Variants in ANKS1B observed in about 807,000 individuals in gnomAD.
The protein encoded by ANKS1B is ankyrin repeat and sterile alpha motif domain containing 1B, also known as ankyrin repeat and sterile alpha motif domain-containing protein 1B.
ANKS1B carries 36 observed loss-of-function variants against 148.3 expected under a neutral mutation model. The observed-to-expected ratio is 0.24, with a 90% CI of 0.19 to 0.32. The LOEUF (loss-of-function observed/expected upper bound fraction) is 0.32, where lower values mean the gene tolerates loss of function less well. Among genes scored for constraint, ANKS1B ranks in the 10% least tolerant of loss-of-function variants. The pLI, the probability that ANKS1B is intolerant of heterozygous loss-of-function variation, is 1.00. For missense variants in ANKS1B, 1,157 were observed against 1,542.6 expected (o/e 0.75, Z 4.19); for synonymous variants, 542 against 560.8 (o/e 0.97, Z 0.47).
intron 8 of ANKS1B, among the ~76,000 whole-genome samples, chr12:99,712,194 C>T (rs1048856281): frequency 6.6e-6 from 1 of 152,120 alleles, no homozygotes; most frequent in Non-Finnish European, 1.5e-5. Flanking sequence ...TTTATCTTTA[C>T]TTGAAAAGTA....
In ANKS1B at chr12:99,560,064, A is replaced by G. The variant is rs192090670; in HGVS notation, c.1273-55423T>C. ...ACTTGAAGCAAACATTTTATAAAACAGTATGAAGCATTCAGTAATACAGCT... is the reference window on the plus strand; with the variant it reads ...ACTTGAAGCAAACATTTTATAAAACGGTATGAAGCATTCAGTAATACAGCT... On this transcript the variant is annotated intron_variant, in intron 9 of 26. Transcript: ENST00000683438. 3.9e-4 allele frequency among the ~76,000 whole-genome samples: 60 copies of G among 152,328 alleles called. 2 individuals are homozygous for G. The East Asian group carries it at 9.8e-3, about 25-fold the overall frequency.
intron 8 of ANKS1B, among the ~76,000 whole-genome samples, chr12:99,658,116 T>C (rs1385809443): frequency 6.6e-6 from 1 of 152,198 alleles, no homozygotes; most frequent in Non-Finnish European, 1.5e-5. Flanking sequence ...TCTATGCTTT[T>C]ATTCTTTCTT....
At chr12:99,243,593 C>T (rs1423621351) in intron 14 of ANKS1B, among the ~76,000 whole-genome samples, 1 of 152,158 alleles carries the variant, frequency 6.6e-6, no homozygotes, top group Admixed American at 6.6e-5. Context: ...TTTATTGTGG[C>T]ACTATTCACA....
intron 11 of ANKS1B, among the ~76,000 whole-genome samples, chr12:99,418,311 C>A (rs1271050564): frequency 2.0e-5 from 3 of 151,910 alleles, no homozygotes; most frequent in African/African-American, 7.3e-5. Context: ...ATTTTGACAT[C>A]CAAAACATAA....
At chr12:98,981,583 G>T (rs1271443522) in intron 17 of ANKS1B, among the ~76,000 whole-genome samples, 2 of 151,806 alleles carry the variant, frequency 1.3e-5, no homozygotes. Flanking sequence ...TGACCCACCC[G>T]CCTTGGCCTC....
intron 9 of ANKS1B, among the ~76,000 whole-genome samples, chr12:99,519,387 T>C (rs973407362): frequency 6.6e-6 from 1 of 152,168 alleles, no homozygotes; most frequent in Non-Finnish European, 1.5e-5. Flanking sequence ...TTCCATTATA[T>C]ATGTGGGTGC....
At chr12:99,816,718 ATAAAGTGT>A (rs2069221494) in intron 2 of ANKS1B, among the ~76,000 whole-genome samples, 1 of 151,702 alleles carries the variant, frequency 6.6e-6, no homozygotes, top group South Asian at 2.1e-4. Context: ...TATAAGTAGA[ATAAAGTGT>A]TAATCAGCAA....
intron 23 of ANKS1B, 37 bp downstream of exon 23, chr12:98,782,089 C>T: frequency 6.4e-7 from 1 of 1,568,782 alleles, no homozygotes; most frequent in Non-Finnish European, 8.7e-7. Flanking sequence ...TCTATATATA[C>T]TAGTAATAAT....
chr12:98,936,929 C>T (rs1044855857), intron 17 of ANKS1B, among the ~76,000 whole-genome samples: 2 of 152,180 alleles, frequency 1.3e-5, no homozygotes, highest in African/African-American at 4.8e-5. Context: ...GAATGCTGGC[C>T]GTGGCCTTAG....
chr12:99,079,955 G>C (rs1332512139), intron 16 of ANKS1B: 1 of 152,270 alleles, frequency 6.6e-6, no homozygotes, highest in Non-Finnish European at 1.5e-5. Flanking sequence ...AATTTGCACA[G>C]GCAACCCACG....
chr12:99,428,140 AGTAGGGTATCCTT>A (rs1253895878), intron 11 of ANKS1B, among the ~76,000 whole-genome samples: 2 of 152,198 alleles, frequency 1.3e-5, no homozygotes, highest in African/African-American at 4.8e-5. Flanking sequence ...GCATTGGGTG[AGTAGGGTATCCTT>A]GTAGGGTATC....
intron 14 of ANKS1B, among the ~76,000 whole-genome samples, chr12:99,239,952 A>G (rs1398931944): frequency 6.6e-6 from 1 of 152,244 alleles, no homozygotes; most frequent in Non-Finnish European, 1.5e-5. Flanking sequence ...GGTACCAGCC[A>G]CTGCAAAAAC....
At chr12:99,217,675 A>G (rs377654495) in intron 14 of ANKS1B, among the ~76,000 whole-genome samples, 5 of 152,094 alleles carry the variant, frequency 3.3e-5, no homozygotes, top group African/African-American at 1.2e-4. Flanking sequence ...CCCAGAAAAT[A>G]TAACTGATCC....
Position 99,731,007 on chromosome 12 carries a change from G to A in ANKS1B, c.1128+41915C>T, listed in dbSNP as rs895748398. Among the ~76,000 whole-genome samples the A allele has an allele frequency of 3.3e-5, 5 of 152,040 alleles. No homozygotes were observed. In the East Asian group the frequency reaches 5.8e-4, roughly 18 times the overall value. On this transcript the variant is annotated intron_variant, in intron 8 of 26. Transcript: ENST00000683438. Reference sequence around the variant, plus strand: ...GCTGGAGTGCAATGTTGTTATCTCCGCTCACTGCAACCTCCACCTCCCAGG... The same window carrying A: ...GCTGGAGTGCAATGTTGTTATCTCCACTCACTGCAACCTCCACCTCCCAGG...
intron 25 of ANKS1B, among the ~76,000 whole-genome samples, chr12:98,754,221 G>A (rs984901659): frequency 2.0e-5 from 3 of 152,234 alleles, no homozygotes; most frequent in African/African-American, 7.2e-5. Flanking sequence ...CTGAGCCCAT[G>A]TTTGCCTCCA....
At chr12:99,768,824 AG>A (rs1295112552) in intron 8 of ANKS1B, among the ~76,000 whole-genome samples, 2 of 104,376 alleles carry the variant, frequency 1.9e-5, no homozygotes, top group Non-Finnish European at 4.0e-5. Flanking sequence ...ACTCCGTCTC[AG>A]AAAAAAAAAA....
intron 12 of ANKS1B, among the ~76,000 whole-genome samples, chr12:99,330,957 CCAAA>C (rs1313957494): frequency 3.3e-5 from 5 of 151,844 alleles, no homozygotes; most frequent in African/African-American, 7.3e-5. Context: ...AAGTGTGTGA[CCAAA>C]CAGACTTCAA....
At chr12:99,221,991 A>G (rs184936880) in intron 14 of ANKS1B, among the ~76,000 whole-genome samples, 13 of 152,328 alleles carry the variant, frequency 8.5e-5, no homozygotes, top group Admixed American at 6.5e-4. Context: ...TTGCAGGCAC[A>G]TAAAACATTC....
At chr12:99,226,416 G>A (rs1317233224) in intron 14 of ANKS1B, among the ~76,000 whole-genome samples, 1 of 152,156 alleles carries the variant, frequency 6.6e-6, no homozygotes, top group East Asian at 1.9e-4. Context: ...CACATTTGGT[G>A]TGATCCAAAG....
Sources: allele counts gnomAD v4.1 joint callset (sites outside exome capture counted in the v4.1 genomes callset), GRCh38; gene constraint gnomAD v4.1.1; transcripts MANE v1.5; gene names NCBI Gene and HGNC (gene_info 2026-07-23, HGNC 2026-07-21).